The following KCNF1 variants were observed in gnomAD, a reference collection of about 807,000 sequenced individuals.
KCNF1 encodes voltage-gated potassium channel regulatory subunit KCNF1.
KCNF1 carries 9 observed loss-of-function variants against 28.6 expected under a neutral mutation model. The observed-to-expected ratio is 0.31, with a 90% CI of 0.19 to 0.55. The LOEUF is 0.55. Among genes scored for constraint, KCNF1 ranks in the 20% least tolerant of loss-of-function variants. KCNF1 has a pLI of 0.93. For missense variants in KCNF1, 461 were observed against 684.2 expected (o/e 0.67, Z 3.64); for synonymous variants, 328 against 299.6 (o/e 1.09, Z -0.98).
In KCNF1 at chr2:10,912,831, C is replaced by T. The variant is rs766200572; in HGVS notation, c.405C>T (p.Arg135=). 6.2e-7 allele frequency: 1 copy of T among 1,613,896 alleles called. No homozygotes were observed. The highest frequency in any genetic ancestry group is 1.7e-5 in the Admixed American group (1 of 60,032). Reference sequence around the variant, plus strand: ...GCAAGAGCCACCTGAGCGAGAAGCGCGAGGAGCTGGAGGAGATCGCGCGCC... The same window carrying T: ...GCAAGAGCCACCTGAGCGAGAAGCGTGAGGAGCTGGAGGAGATCGCGCGCC... ...DCCKSHLSEK[R]EELEEIARRV... Residue 135 remains arginine, a synonymous_variant, in exon 1 of 1, where the codon CGC becomes CGT. Coordinates refer to ENST00000295082, the MANE Select transcript of KCNF1 (RefSeq NM_002236.5). The surrounding 1 kb of genome is among the most constrained non-coding windows in gnomAD (Gnocchi z 7.9).
chr2:10,912,894 A>C lies in KCNF1; in HGVS notation c.468A>C (p.Ala156=), dbSNP rs3732104. The C allele has an allele frequency of 6.2e-7, 1 of 1,612,042 alleles. No homozygotes were observed. The highest frequency in any genetic ancestry group is 1.1e-5 in the South Asian group (1 of 91,028). The change falls in exon 1 of 1, where the codon GCA becomes GCC. Residue 156 remains alanine, a synonymous_variant. Coordinates refer to ENST00000295082, the MANE Select transcript of KCNF1 (RefSeq NM_002236.5). The surrounding 1 kb of genome is among the most constrained non-coding windows in gnomAD (Gnocchi z 7.9). ...TCCTGGACGACCTGGGCGTGGACGCAGCCGAGGGCCGCTGGCGCCGCTGCC... is the reference window on the plus strand; with the variant it reads ...TCCTGGACGACCTGGGCGTGGACGCCGCCGAGGGCCGCTGGCGCCGCTGCC... ...QLILDDLGVD[A]AEGRWRRCQK...
At position 10,913,097 on chromosome 2, in the gene KCNF1, A is replaced by G. The variant is rs867288695; in HGVS notation, c.671A>G (p.Asn224Ser). The change falls in exon 1 of 1, where the codon AAC becomes AGC. Residue 224 changes from asparagine (N) to serine (S), a missense_variant. Asn to Ser is a conservative substitution (Grantham distance 46). This residue lies in a region of KCNF1 where 193 missense variants were observed against 280.6 expected (regional missense o/e 0.69). Transcript: ENST00000295082. This position sits in a 1 kb window ranked among gnomAD's most constrained non-coding sequence, Gnocchi z 5.5. ...CGCGTGGAGCACCCGACGCTGGAGA[A>G]CGTGGAGACGGCGTGCATTGGCTGG... ...GNRVEHPTLE[N>S]VETACIGWFT... 6.2e-7 allele frequency: 1 copy of G among 1,609,846 alleles called. No individual in the cohort carries two copies. Among genetic ancestry groups the G allele is most frequent in the Non-Finnish European group, 8.5e-7 (1 of 1,180,014 alleles).
rs1456833300 is a variant in KCNF1 at position 10,913,807 on chromosome 2, G to T, written c.1381G>T (p.Ala461Ser). 1.4e-5 allele frequency: 22 copies of T among 1,576,512 alleles called. No individual in the cohort carries two copies. The highest frequency in any genetic ancestry group is 1.8e-5 in the Non-Finnish European group (21 of 1,160,790). Reference protein sequence around the residue: ...NLPPEPAGKEAPSCSSRLKLS... With the variant: ...NLPPEPAGKESPSCSSRLKLS... ...CCCTCCAGAGCCTGCGGGGAAGGAG[G>T]CGCCGAGCTGCAGCAGCCGGCTGAA... is the stretch of plus-strand genomic sequence containing the variant. Residue 461 changes from alanine (A) to serine (S), a missense_variant, in exon 1 of 1, where the codon GCG (alanine) becomes TCG (serine). This residue lies in a region of KCNF1 where 101 missense variants were observed against 102.2 expected (regional missense o/e 0.99). Coordinates refer to ENST00000295082, the MANE Select transcript of KCNF1 (RefSeq NM_002236.5). This position sits in a 1 kb window ranked among gnomAD's most constrained non-coding sequence, Gnocchi z 5.5.
chr2:10,913,155 G>A lies in KCNF1; in HGVS notation c.729G>A (p.Ser243=), dbSNP rs779129304. The A allele has an allele frequency of 1.9e-6, 3 of 1,613,088 alleles. No individual in the cohort carries two copies. The highest frequency in any genetic ancestry group is 3.3e-5 in the Admixed American group (2 of 60,034). The change falls in exon 1 of 1, where the codon TCG becomes TCA. Residue 243 remains serine, a synonymous_variant. Transcript: ENST00000295082. The surrounding 1 kb of genome is among the most constrained non-coding windows in gnomAD (Gnocchi z 5.5). The part of the protein sequence containing the change: ...FTLEYLLRLF[S]SPNKLHFALS... ...TGGAGTACCTGCTGCGCCTCTTCTC[G>A]TCACCCAACAAGCTGCACTTCGCGC...
In KCNF1 at chr2:10,912,359, C is replaced by A. The variant is rs1486103816; in HGVS notation, c.-68C>A. ...CGCACGGGTGGCACCCGCCGGACCC[C>A]CAGCGGCAGCGGCGGCGGCGGCTGC... is the stretch of plus-strand genomic sequence containing the variant. On this transcript the variant is annotated 5_prime_UTR_variant, in exon 1 of 1. Coordinates refer to ENST00000295082, the MANE Select transcript of KCNF1 (RefSeq NM_002236.5). This position sits in a 1 kb window ranked among gnomAD's most constrained non-coding sequence, Gnocchi z 7.9. 1 of 1,177,810 alleles carries A rather than the reference C, an allele frequency of 8.5e-7. No individual in the cohort carries two copies. Among genetic ancestry groups the A allele is most frequent in the Non-Finnish European group, 1.1e-6 (1 of 945,304 alleles). 73.0% of individuals were successfully genotyped at this position (1,177,810 alleles called of 1,614,324 possible).
rs779994024 is a variant in KCNF1 at position 10,913,763 on chromosome 2, G to T, written c.1337G>T (p.Arg446Leu). 23 of 1,610,414 alleles carry T rather than the reference G, an allele frequency of 1.4e-5. No homozygotes were observed. The highest frequency in any genetic ancestry group is 6.6e-5 in the South Asian group (6 of 90,470). The change falls in exon 1 of 1, where the codon CGC becomes CTC. Residue 446 changes from arginine (R) to leucine (L), a missense_variant. Physicochemically the swap from Arg to Leu is moderately radical, Grantham distance 102 (BLOSUM62 -2). This residue lies in a region of KCNF1 where 101 missense variants were observed against 102.2 expected (regional missense o/e 0.99). Coordinates refer to ENST00000295082, the MANE Select transcript of KCNF1 (RefSeq NM_002236.5). The surrounding 1 kb of genome is among the most constrained non-coding windows in gnomAD (Gnocchi z 5.5). ...SGGEGKTGGS[R>L]SDLDNLPPEP... ...GGCGAGGGCAAGACCGGGGGCTCCC[G>T]CAGTGACCTGGACAACCTCCCTCCA...
Position 10,912,275 on chromosome 2 carries a change from G to A in KCNF1, c.-152G>A. ...CCGCGGCGCGCCCCCGCAGGCTGCT[G>A]CCCGCTGTGACCGCCCTTCCCCGCA... On this transcript the variant is annotated 5_prime_UTR_variant, in exon 1 of 1. Transcript: ENST00000295082. The surrounding 1 kb of genome is among the most constrained non-coding windows in gnomAD (Gnocchi z 7.9). 2 of 438,838 alleles carry A rather than the reference G, an allele frequency of 4.6e-6. No homozygotes were observed. Among genetic ancestry groups the A allele is most frequent in the Non-Finnish European group, 3.3e-6 (1 of 303,870 alleles). 27.2% of individuals were successfully genotyped at this position (438,838 alleles called of 1,614,324 possible).
At position 10,913,941 on chromosome 2, in the gene KCNF1, A is replaced by C; in HGVS notation, c.*30A>C. The stretch of plus-strand genomic sequence containing the variant: ...AGGGCCCCTCAGGCAGAGATGGACC[A>C]GGCGGTGGACAGATGGGTAGATGTG... On this transcript the variant is annotated 3_prime_UTR_variant, in exon 1 of 1. Transcript: ENST00000295082. This position sits in a 1 kb window ranked among gnomAD's most constrained non-coding sequence, Gnocchi z 5.5. 1 of 1,519,546 alleles carries C rather than the reference A, an allele frequency of 6.6e-7. No homozygotes were observed. The allele number at this position is 1,519,546 out of a possible 1,614,324, so 94.1% of individuals were successfully genotyped here.
rs1258730021 is a variant in KCNF1 at position 10,913,163 on chromosome 2, A to G, written c.737A>G (p.Asn246Ser). Residue 246 changes from asparagine to serine, a missense_variant, in exon 1 of 1, where the codon AAC (asparagine) becomes AGC (serine). By Grantham distance (46) the Asn-to-Ser change is conservative (BLOSUM62 1). Transcript: ENST00000295082. The surrounding 1 kb of genome is among the most constrained non-coding windows in gnomAD (Gnocchi z 5.5). ...CTGCTGCGCCTCTTCTCGTCACCCAACAAGCTGCACTTCGCGCTGTCCTTC... is the reference window on the plus strand; with the variant it reads ...CTGCTGCGCCTCTTCTCGTCACCCAGCAAGCTGCACTTCGCGCTGTCCTTC... The part of the protein sequence containing the change: ...EYLLRLFSSP[N>S]KLHFALSFMN... 1 of 1,613,358 alleles carries G rather than the reference A, an allele frequency of 6.2e-7. No individual in the cohort carries two copies. The highest frequency in any genetic ancestry group is 1.1e-5 in the South Asian group (1 of 91,092).
In KCNF1 at chr2:10,912,636, C is replaced by T. The variant is rs1661556621; in HGVS notation, c.210C>T (p.Tyr70=). The part of the protein sequence containing the change: ...YDTIFSLCDD[Y]DPGKREFYFD... ...CCATCTTCTCCCTGTGCGACGACTA[C>T]GACCCCGGCAAGCGCGAGTTCTACT... is the stretch of plus-strand genomic sequence containing the variant. Residue 70 remains tyrosine, a synonymous_variant, in exon 1 of 1, where the codon TAC becomes TAT. Transcript: ENST00000295082. This position sits in a 1 kb window ranked among gnomAD's most constrained non-coding sequence, Gnocchi z 7.9. 6.2e-7 allele frequency: 1 copy of T among 1,613,794 alleles called. No homozygotes were observed. The highest frequency in any genetic ancestry group is 1.1e-5 in the South Asian group (1 of 91,046).
Position 10,913,854 on chromosome 2 carries a change from C to T in KCNF1, c.1428C>T (p.Phe476=), listed in dbSNP as rs1283190193. ...TGAAGCTCTCCCACAGCGACACCTT[C>T]ATCCCCCTCCTGACCGAGGAGAAGC... ...SRLKLSHSDT[F]IPLLTEEKHH... Residue 476 remains phenylalanine (F), a synonymous_variant, in exon 1 of 1, where the codon TTC becomes TTT. Coordinates refer to ENST00000295082, the MANE Select transcript of KCNF1 (RefSeq NM_002236.5). This position sits in a 1 kb window ranked among gnomAD's most constrained non-coding sequence, Gnocchi z 5.5. 1 of 1,536,488 alleles carries T rather than the reference C, an allele frequency of 6.5e-7. No individual in the cohort carries two copies. Among genetic ancestry groups the T allele is most frequent in the Non-Finnish European group, 8.7e-7 (1 of 1,143,846 alleles).
rs754016090 is a variant in KCNF1 at position 10,913,816 on chromosome 2, T to A, written c.1390T>A (p.Cys464Ser). The change falls in exon 1 of 1, where the codon TGC (cysteine) becomes AGC (serine). Residue 464 changes from cysteine (C) to serine (S), a missense_variant. By Grantham distance (112) the Cys-to-Ser change is moderately radical. Coordinates refer to ENST00000295082, the MANE Select transcript of KCNF1 (RefSeq NM_002236.5). The surrounding 1 kb of genome is among the most constrained non-coding windows in gnomAD (Gnocchi z 5.5). ...PEPAGKEAPSCSSRLKLSHSD... is the reference protein window; with the variant it reads ...PEPAGKEAPSSSSRLKLSHSD... ...GCCTGCGGGGAAGGAGGCGCCGAGC[T>A]GCAGCAGCCGGCTGAAGCTCTCCCA... 3 of 1,571,028 alleles carry A rather than the reference T, an allele frequency of 1.9e-6. No homozygotes were observed. The highest frequency in any genetic ancestry group is 2.6e-6 in the Non-Finnish European group (3 of 1,158,154).
Position 10,913,847 on chromosome 2 carries a change from A to G in KCNF1, c.1421A>G (p.Asp474Gly). ...CSSRLKLSHS[D>G]TFIPLLTEEK... ...AGCCGGCTGAAGCTCTCCCACAGCG[A>G]CACCTTCATCCCCCTCCTGACCGAG... The change falls in exon 1 of 1, where the codon GAC (aspartate) becomes GGC (glycine). Residue 474 changes from aspartate (D) to glycine (G), a missense_variant. By Grantham distance (94) the Asp-to-Gly change is moderately conservative. Around this residue, in one of 4 missense-constraint regions of KCNF1, gnomAD observed 101 missense variants for 102.2 expected, o/e 0.99. Coordinates refer to ENST00000295082, the MANE Select transcript of KCNF1 (RefSeq NM_002236.5). The surrounding 1 kb of genome is among the most constrained non-coding windows in gnomAD (Gnocchi z 5.5). 1 of 1,546,198 alleles carries G rather than the reference A, an allele frequency of 6.5e-7. No individual in the cohort carries two copies. Among genetic ancestry groups the G allele is most frequent in the Non-Finnish European group, 8.7e-7 (1 of 1,146,958 alleles).
rs1270700941 is a variant in KCNF1, at chr2:10,912,378, CGGCTGCAGGGGGCGCGGGGCGGA to C, written c.-42_-20del. 1 of 1,218,316 alleles carries C rather than the reference CGGCTGCAGGGGGCGCGGGGCGGA, an allele frequency of 8.2e-7. No homozygotes were observed. Among genetic ancestry groups the C allele is most frequent in the African/African-American group, 1.6e-5 (1 of 63,492 alleles). The allele number at this position is 1,218,316 out of a possible 1,614,324, so 75.5% of individuals were successfully genotyped here. Reference sequence around the variant, plus strand: ...GGACCCCCAGCGGCAGCGGCGGCGGCGGCTGCAGGGGGCGCGGGGCGGAGGCTGCGAGGGCGCGCGCGGGGAGG... The same window carrying C: ...GGACCCCCAGCGGCAGCGGCGGCGGCGGCTGCGAGGGCGCGCGCGGGGAGG... On this transcript the variant is annotated 5_prime_UTR_variant, in exon 1 of 1. Transcript: ENST00000295082. This position sits in a 1 kb window ranked among gnomAD's most constrained non-coding sequence, Gnocchi z 7.9.
chr2:10,912,617 T>G lies in KCNF1; in HGVS notation c.191T>G (p.Phe64Cys). The G allele has an allele frequency of 6.2e-7, 1 of 1,613,580 alleles. No homozygotes were observed. The highest frequency in any genetic ancestry group is 1.1e-5 in the South Asian group (1 of 91,018). The change falls in exon 1 of 1, where the codon TTC becomes TGC. Residue 64 changes from phenylalanine (F) to cysteine (C), a missense_variant. Physicochemically the swap from Phe to Cys is radical, Grantham distance 205 (BLOSUM62 -2). Coordinates refer to ENST00000295082, the MANE Select transcript of KCNF1 (RefSeq NM_002236.5). This position sits in a 1 kb window ranked among gnomAD's most constrained non-coding sequence, Gnocchi z 7.9. ...TTGGCTGGGGGCTACGACACCATCT[T>G]CTCCCTGTGCGACGACTACGACCCC... ...NCLAGGYDTIFSLCDDYDPGK... is the reference protein window; with the variant it reads ...NCLAGGYDTICSLCDDYDPGK...
Position 10,914,063 on chromosome 2 carries a change from C to A in KCNF1, c.*152C>A. The A allele has an allele frequency of 2.4e-6, 2 of 836,544 alleles. No individual in the cohort carries two copies. The highest frequency in any genetic ancestry group is 3.5e-6 in the Non-Finnish European group (2 of 567,070). The allele number at this position is 836,544 out of a possible 1,614,324, so 51.8% of individuals were successfully genotyped here. A position where few individuals can be genotyped will look rare whatever the true frequency, so the allele number is the denominator to read the frequency against. On this transcript the variant is annotated 3_prime_UTR_variant, in exon 1 of 1. Transcript: ENST00000295082. Reference sequence around the variant, plus strand: ...GGCCCTCCCGGCACCTCTGCCAAGGCTGGGTAAGACTCCTCTATGTTGCCT... The same window carrying A: ...GGCCCTCCCGGCACCTCTGCCAAGGATGGGTAAGACTCCTCTATGTTGCCT...
At position 10,913,782 on chromosome 2, in the gene KCNF1, C is replaced by T. The variant is rs746912773; in HGVS notation, c.1356C>T (p.Leu452=). 33 of 1,595,428 alleles carry T rather than the reference C, an allele frequency of 2.1e-5. No individual in the cohort carries two copies. The Admixed American group carries it at 3.1e-4, about 15-fold the overall frequency. Residue 452 remains leucine (L), a synonymous_variant, in exon 1 of 1, where the codon CTC becomes CTT. Transcript: ENST00000295082. This position sits in a 1 kb window ranked among gnomAD's most constrained non-coding sequence, Gnocchi z 5.5. The part of the protein sequence containing the change: ...TGGSRSDLDN[L]PPEPAGKEAP... ...GCTCCCGCAGTGACCTGGACAACCTCCCTCCAGAGCCTGCGGGGAAGGAGG... is the reference window on the plus strand; with the variant it reads ...GCTCCCGCAGTGACCTGGACAACCTTCCTCCAGAGCCTGCGGGGAAGGAGG...
In KCNF1 at chr2:10,913,811, C is replaced by T. The variant is rs140683647; in HGVS notation, c.1385C>T (p.Pro462Leu). ...LPPEPAGKEA[P>L]SCSSRLKLSH... ...CCAGAGCCTGCGGGGAAGGAGGCGC[C>T]GAGCTGCAGCAGCCGGCTGAAGCTC... Residue 462 changes from proline to leucine, a missense_variant, in exon 1 of 1, where the codon CCG becomes CTG. Transcript: ENST00000295082. The surrounding 1 kb of genome is among the most constrained non-coding windows in gnomAD (Gnocchi z 5.5). The T allele has an allele frequency of 1.0e-4, 160 of 1,573,634 alleles. 1 individual carries two copies. The African/African-American group carries it at 1.5e-3, about 15-fold the overall frequency.
At position 10,912,525 on chromosome 2, in the gene KCNF1, G is replaced by A. The variant is rs932088618; in HGVS notation, c.99G>A (p.Arg33=). 2 of 1,605,250 alleles carry A rather than the reference G, an allele frequency of 1.2e-6. No homozygotes were observed. Among genetic ancestry groups the A allele is most frequent in the Non-Finnish European group, 1.7e-6 (2 of 1,176,316 alleles). ...TAGTCGTCAACGTGGGGGGCGTGCG[G>A]CAGGTGCTGTACGGGGACCTCCTCA... is the stretch of plus-strand genomic sequence containing the variant. ...IEIVVNVGGV[R]QVLYGDLLSQ... is the part of the protein sequence containing the mutation. The change falls in exon 1 of 1, where the codon CGG becomes CGA. Residue 33 remains arginine (R), a synonymous_variant. Transcript: ENST00000295082. This position sits in a 1 kb window ranked among gnomAD's most constrained non-coding sequence, Gnocchi z 7.9.
Sources: allele counts gnomAD v4.1 joint callset, GRCh38; gene constraint gnomAD v4.1.1; regional missense constraint gnomAD v4.1.1; non-coding constraint Gnocchi (gnomAD v3.1); transcripts MANE v1.5; gene names NCBI Gene and HGNC (gene_info 2026-07-23, HGNC 2026-07-21).